The following RANBP2 variants were observed in gnomAD, a reference collection of about 807,000 sequenced individuals.
RANBP2 encodes E3 SUMO-protein ligase RanBP2.
Under a neutral mutation model 303.6 loss-of-function variants are expected in RANBP2, and 57 were observed. The observed-to-expected ratio is 0.19, with a 90% CI of 0.15 to 0.23. The LOEUF is 0.23. Ranked by LOEUF, RANBP2 falls within the 10% of genes least tolerant of loss-of-function variation. The pLI is 1.00. For missense variants in RANBP2, 3,138 were observed against 3,780.8 expected, an observed-to-expected ratio of 0.83 and a Z score of 4.46; for synonymous variants, 1,167 against 1,301.5, an observed-to-expected ratio of 0.90 and a Z score of 2.23.
chr2:109,638,334 T>C, the RANBP2 span, among the ~76,000 whole-genome samples: 3 of 152,210 alleles, frequency 2.0e-5, no homozygotes, highest in African/African-American at 7.2e-5. Context: ...CTACGTTTGC[T>C]CTCTGAAAAT....
chr2:109,398,456 G>GT, the RANBP2 span: 1 of 841,344 alleles, frequency 1.2e-6, no homozygotes, highest in Non-Finnish European at 1.8e-6. Flanking sequence ...CCTCTTCTGT[G>GT]TTTTCCCTGC....
the RANBP2 span, among the ~76,000 whole-genome samples, chr2:109,010,061 T>C: frequency 9.2e-5 from 14 of 152,198 alleles, no homozygotes; most frequent in Non-Finnish European, 7.3e-5. Context: ...AGTTTGTACA[T>C]TGTAAATGGA....
the RANBP2 span, among the ~76,000 whole-genome samples, chr2:109,301,837 T>C: frequency 2.6e-5 from 4 of 152,208 alleles, no homozygotes; most frequent in South Asian, 2.1e-4. Flanking sequence ...CTTGCCTCTT[T>C]AGCATGTTTG....
In RANBP2 at chr2:108,720,320, C is replaced by T. The variant is rs1265930981; in HGVS notation, c.72+642C>T. 3.9e-4 allele frequency: 278 copies of T among 713,218 alleles called. 4 individuals are homozygous for T. The highest frequency in any genetic ancestry group is 4.5e-4 in the Non-Finnish European group (267 of 587,270). 44.2% of individuals were successfully genotyped at this position (713,218 alleles called of 1,614,324 possible). A position where few individuals can be genotyped will look rare whatever the true frequency, so the allele number is the denominator to read the frequency against. On this transcript the variant is annotated intron_variant, in intron 1 of 28. Coordinates refer to ENST00000283195, the MANE Select transcript of RANBP2 (RefSeq NM_006267.5). ...TCCTCATACTCACCTCCCTCGCCCC[C>T]CTCCCCGCCCGGAACACTTTGGTAG...
the RANBP2 span, among the ~76,000 whole-genome samples, chr2:108,908,971 C>G: frequency 2.0e-5 from 3 of 152,038 alleles, no homozygotes; most frequent in Non-Finnish European, 4.4e-5. Flanking sequence ...ATCCCTGTCC[C>G]CACTCGAGAG....
the RANBP2 span, among the ~76,000 whole-genome samples, chr2:109,238,965 C>T: frequency 6.6e-6 from 1 of 152,190 alleles, no homozygotes; most frequent in Non-Finnish European, 1.5e-5. Flanking sequence ...GTTGGCTTTT[C>T]TGCCTCCAGT....
chr2:108,938,800 A>AC, the RANBP2 span, among the ~76,000 whole-genome samples: 2 of 36,342 alleles, frequency 5.5e-5, no homozygotes, highest in Admixed American at 2.5e-4. Context: ...CCCCCGCCCC[A>AC]CCCCCCAGAG....
the RANBP2 span, among the ~76,000 whole-genome samples, chr2:109,562,409 C>T: frequency 6.6e-6 from 1 of 150,894 alleles, no homozygotes; most frequent in Non-Finnish European, 1.5e-5. Context: ...TAGGGGTCCT[C>T]CTCCCACCCC....
the RANBP2 span, among the ~76,000 whole-genome samples, chr2:109,001,582 T>G: frequency 6.6e-6 from 1 of 152,250 alleles, no homozygotes; most frequent in Non-Finnish European, 1.5e-5. Flanking sequence ...ACTGCCACGT[T>G]GTGGCCCTGC....
chr2:109,690,238 G>C, the RANBP2 span, among the ~76,000 whole-genome samples: 1 of 152,176 alleles, frequency 6.6e-6, no homozygotes, highest in Non-Finnish European at 1.5e-5. Flanking sequence ...TTAGGGAGAC[G>C]GGAGACATCA....
At chr2:109,137,133 T>A in the RANBP2 span, among the ~76,000 whole-genome samples, 1 of 152,228 alleles carries the variant, frequency 6.6e-6, no homozygotes, top group Non-Finnish European at 1.5e-5. Context: ...AAAACATGTG[T>A]CTATATCTTT....
At chr2:109,051,771 C>G in the RANBP2 span, among the ~76,000 whole-genome samples, 1 of 148,208 alleles carries the variant, frequency 6.7e-6, no homozygotes, top group Middle Eastern at 3.4e-3. Flanking sequence ...TTTTTTGAGA[C>G]AGAGTCTCGC....
the RANBP2 span, among the ~76,000 whole-genome samples, chr2:108,806,443 G>T: frequency 2.0e-5 from 3 of 152,178 alleles, no homozygotes; most frequent in South Asian, 6.2e-4. Context: ...GAGCTAATGT[G>T]TACAAACTGA....
the RANBP2 span, among the ~76,000 whole-genome samples, chr2:109,541,417 TGA>T: frequency 1.3e-5 from 2 of 152,186 alleles, 1 homozygote; most frequent in Admixed American, 1.3e-4. Flanking sequence ...ACTCCTTAGG[TGA>T]GTCTATTGTA....
chr2:109,595,272 C>T, the RANBP2 span, among the ~76,000 whole-genome samples: 1 of 152,314 alleles, frequency 6.6e-6, no homozygotes, highest in South Asian at 2.1e-4. Flanking sequence ...CACGCAAAAG[C>T]TCAGTGAGGG....
chr2:109,435,851 A>G, the RANBP2 span, among the ~76,000 whole-genome samples: 2 of 152,206 alleles, frequency 1.3e-5, no homozygotes, highest in Admixed American at 1.3e-4. Flanking sequence ...GTTTTGGCTG[A>G]CCTGCTAACA....
At chr2:109,456,975 GAC>G in the RANBP2 span, among the ~76,000 whole-genome samples, 1 of 152,234 alleles carries the variant, frequency 6.6e-6, no homozygotes, top group Non-Finnish European at 1.5e-5. Context: ...GGAGGAGGAA[GAC>G]ACAGTGGATT....
At chr2:109,457,285 TC>T in the RANBP2 span, among the ~76,000 whole-genome samples, 14 of 152,322 alleles carry the variant, frequency 9.2e-5, no homozygotes, top group South Asian at 1.7e-3. Context: ...AAAACTTATA[TC>T]CCCGAGGCTT....
chr2:108,864,428 T>G, the RANBP2 span, among the ~76,000 whole-genome samples: 1 of 152,014 alleles, frequency 6.6e-6, no homozygotes, highest in African/African-American at 2.4e-5. Flanking sequence ...TTTGGGAGGC[T>G]TAGGAGGGAG....
Sources: allele counts gnomAD v4.1 joint callset (sites outside exome capture counted in the v4.1 genomes callset), GRCh38; gene constraint gnomAD v4.1.1; transcripts MANE v1.5; gene names NCBI Gene and HGNC (gene_info 2026-07-23, HGNC 2026-07-21).